Variants in TTLL5 observed in about 807,000 individuals in gnomAD.
The protein encoded by TTLL5 is tubulin tyrosine ligase like 5.
In TTLL5, 132 loss-of-function variants were observed where a neutral mutation model predicts 168.4. The observed-to-expected ratio is 0.78, with a 90% CI of 0.68 to 0.91. The LOEUF is 0.91. Ranked by LOEUF, TTLL5 falls within the 40% of genes least tolerant of loss-of-function variation. The pLI, the probability that TTLL5 is intolerant of heterozygous loss-of-function variation, is 0.00. For synonymous variants in TTLL5, 546 were observed against 558.6 expected (o/e 0.98, Z 0.32); for missense variants, 1,545 against 1,581.5 (o/e 0.98, Z 0.39).
intron 28 of TTLL5, among the ~76,000 whole-genome samples, chr14:75,821,733 C>G (rs1474776461): frequency 6.6e-6 from 1 of 152,180 alleles, no homozygotes; most frequent in African/African-American, 2.4e-5. Flanking sequence ...ACCTAAGGTT[C>G]AGTACTGTGA....
chr14:75,818,745 C>T lies in TTLL5; in HGVS notation c.3172-1262C>T, dbSNP rs28692590. On this transcript the variant is annotated intron_variant, in intron 27 of 31. Transcript: ENST00000298832. ...CGGTCTCCTAACCTCGTGATCCACC[C>T]GCCTCAGCCTCCCAAAGTGTTGGGG... Among the ~76,000 whole-genome samples, 936 of 151,308 alleles carry T rather than the reference C, an allele frequency of 6.2e-3. 10 individuals are homozygous for T. The highest frequency in any genetic ancestry group is 0.022 in the African/African-American group (904 of 41,182).
At chr14:75,930,317 T>TA (rs2034233577) in intron 31 of TTLL5, among the ~76,000 whole-genome samples, 1 of 152,198 alleles carries the variant, frequency 6.6e-6, no homozygotes, top group Non-Finnish European at 1.5e-5. Flanking sequence ...TGTTGACAGA[T>TA]ACTAGCACAG....
At position 75,771,753 on chromosome 14, in the gene TTLL5, G is replaced by A; in HGVS notation, c.2035G>A (p.Ala679Thr). 6.2e-7 allele frequency: 1 copy of A among 1,613,876 alleles called. No homozygotes were observed. The highest frequency in any genetic ancestry group is 8.5e-7 in the Non-Finnish European group (1 of 1,179,876). Residue 679 changes from alanine to threonine, a missense_variant, in exon 21 of 32, where the codon GCA becomes ACA. Ala to Thr is a moderately conservative substitution (Grantham distance 58, BLOSUM62 0). Coordinates refer to ENST00000298832, the MANE Select transcript of TTLL5 (RefSeq NM_015072.5). ...CTATAGCAAAATGCAGGCCCGAATA[G>A]CATTCTCTGCCTATCTCCAGCATGT... ...GNLSKMQARI[A>T]FSAYLQHVQI...
chr14:75,865,934 A>C (rs553245265), intron 29 of TTLL5, among the ~76,000 whole-genome samples: 249 of 152,314 alleles, frequency 1.6e-3, no homozygotes, highest in African/African-American at 5.5e-3. Context: ...ATAATTGTAT[A>C]TATGTGTGTA....
intron 6 of TTLL5, among the ~76,000 whole-genome samples, chr14:75,698,428 C>G (rs1886019892): frequency 2.6e-5 from 4 of 151,982 alleles, no homozygotes; most frequent in Admixed American, 1.3e-4. Flanking sequence ...TTTATAAGCT[C>G]GAAATATTTA....
intron 6 of TTLL5, among the ~76,000 whole-genome samples, chr14:75,696,154 C>T (rs926664090): frequency 9.9e-5 from 15 of 151,950 alleles, no homozygotes; most frequent in African/African-American, 3.1e-4. Flanking sequence ...TCTCCCAAAG[C>T]GCTGGGATTA....
intron 27 of TTLL5, among the ~76,000 whole-genome samples, chr14:75,804,183 A>G (rs1436950306): frequency 6.0e-5 from 9 of 151,012 alleles, no homozygotes; most frequent in African/African-American, 2.4e-5. Context: ...GGAGAGTGGG[A>G]AAAAAAAAAT....
At chr14:75,851,147 A>T (rs943570373) in intron 28 of TTLL5, among the ~76,000 whole-genome samples, 13 of 151,906 alleles carry the variant, frequency 8.6e-5, no homozygotes, top group Non-Finnish European at 1.9e-4. Context: ...CCAAAAGCAC[A>T]TATTATCTTG....
rs1169145180 is a variant in TTLL5, at chr14:75,711,721, G to A, written c.740+4014G>A. On this transcript the variant is annotated intron_variant, in intron 9 of 31. Coordinates refer to ENST00000298832, the MANE Select transcript of TTLL5 (RefSeq NM_015072.5). ...TTCTGCCTCAGCCATATTATTCAGT[G>A]GAAATTCAGAAAAGACCCCAAAACA... The A allele has an allele frequency of 3.3e-5, 5 of 152,070 alleles. No individual in the cohort carries two copies. In the East Asian group the frequency reaches 9.7e-4, roughly 29 times the overall value. The allele number at this position is 152,070 out of a possible 1,614,324, so 9.4% of individuals were successfully genotyped here.
At chr14:75,671,347 T>C (rs897925116) in intron 3 of TTLL5, among the ~76,000 whole-genome samples, 1 of 152,228 alleles carries the variant, frequency 6.6e-6, no homozygotes, top group Admixed American at 6.5e-5. Context: ...TCCTCTAATA[T>C]AGTTCTTTTT....
chr14:75,897,028 G>A (rs1173421051), intron 30 of TTLL5, among the ~76,000 whole-genome samples: 1 of 152,120 alleles, frequency 6.6e-6, no homozygotes, highest in Non-Finnish European at 1.5e-5. Context: ...AATACAGGAT[G>A]TAATATCCCT....
intron 9 of TTLL5, among the ~76,000 whole-genome samples, chr14:75,715,264 C>CTTTTTTTTTT (rs1201985101): frequency 1.5e-5 from 2 of 130,950 alleles, no homozygotes; most frequent in Non-Finnish European, 3.2e-5. Context: ...CACCATCTTC[C>CTTTTTTTTTT]TTTTTTTTTT....
intron 15 of TTLL5, among the ~76,000 whole-genome samples, chr14:75,744,101 G>A (rs1353610277): frequency 6.6e-6 from 1 of 152,176 alleles, no homozygotes. Flanking sequence ...CCTTTGAATA[G>A]ATATTCTACA....
chr14:75,734,208 A>G (rs752793527), intron 14 of TTLL5, among the ~76,000 whole-genome samples, 158 bp downstream of exon 14: 1 of 152,230 alleles, frequency 6.6e-6, no homozygotes, highest in Non-Finnish European at 1.5e-5. Context: ...ATATGTTTCT[A>G]CGACACTTGG....
chr14:75,707,687 C>T lies in TTLL5; in HGVS notation c.720C>T (p.Leu240=). 1.3e-6 allele frequency: 2 copies of T among 1,594,080 alleles called. No homozygotes were observed. Among genetic ancestry groups the T allele is most frequent in the Middle Eastern group, 1.7e-4 (1 of 5,972 alleles). Residue 240 remains leucine, a synonymous_variant, in exon 9 of 32, where the codon CTC becomes CTT. Transcript: ENST00000298832. The part of the protein sequence containing the change: ...VTSYDPLVIY[L]YEEGLARFAT... ...CCTATGATCCTCTTGTCATCTATCT[C>T]TATGAAGAAGGATTGGCTAGGTAAG...
At chr14:75,908,034 A>G (rs1238219567) in intron 31 of TTLL5, among the ~76,000 whole-genome samples, 5 of 152,260 alleles carry the variant, frequency 3.3e-5, no homozygotes, top group Non-Finnish European at 7.3e-5. Context: ...ATTACATGGC[A>G]AAATGGGACC....
In TTLL5 at chr14:75,793,033, G is replaced by A. The variant is rs767213119; in HGVS notation, c.3104G>A (p.Arg1035Gln). The part of the protein sequence containing the change: ...NQSMVTAELQ[R>Q]LAEKQAARQY... ...AGTATGGTTACAGCTGAACTTCAGC[G>A]GCTAGCTGAGAAGCAGGCAGCGAGA... The change falls in exon 27 of 32, where the codon CGG becomes CAG. Residue 1035 changes from arginine to glutamine, a missense_variant. Coordinates refer to ENST00000298832, the MANE Select transcript of TTLL5 (RefSeq NM_015072.5). 5.5e-5 allele frequency: 88 copies of A among 1,613,586 alleles called. 1 individual carries two copies. In the South Asian group the frequency reaches 8.2e-4, roughly 15 times the overall value.
intron 5 of TTLL5, among the ~76,000 whole-genome samples, chr14:75,687,593 A>G (rs974915276): frequency 2.2e-4 from 34 of 152,184 alleles, no homozygotes; most frequent in African/African-American, 8.2e-4. Context: ...CCTTTTAAAA[A>G]TTAAAAATAT....
Position 75,706,918 on chromosome 14 carries a change from C to T in TTLL5, c.586-100C>T. On this transcript the variant is annotated intron_variant, in intron 7 of 31. Transcript: ENST00000298832. Reference sequence around the variant, plus strand: ...AACTTTAACCAGAATTTTAGTTTTCCACCTTACCATTTCTTTAAAGGTTAA... The same window carrying T: ...AACTTTAACCAGAATTTTAGTTTTCTACCTTACCATTTCTTTAAAGGTTAA... The T allele has an allele frequency of 6.7e-6, 7 of 1,043,928 alleles. No individual in the cohort carries two copies. The South Asian group carries it at 8.8e-5, about 13-fold the overall frequency. 64.7% of individuals were successfully genotyped at this position (1,043,928 alleles called of 1,614,324 possible).
Sources: allele counts gnomAD v4.1 joint callset (sites outside exome capture counted in the v4.1 genomes callset), GRCh38; gene constraint gnomAD v4.1.1; transcripts MANE v1.5; gene names NCBI Gene and HGNC (gene_info 2026-07-23, HGNC 2026-07-21).